The following TSPAN18 variants were observed in gnomAD, a reference collection of about 807,000 sequenced individuals.
The protein encoded by TSPAN18 is tetraspanin 18, also known as tetraspanin-18.
TSPAN18 carries 14 observed loss-of-function variants against 27.3 expected under a neutral mutation model. The ratio of observed to expected loss-of-function variants is 0.51; its 90% CI spans 0.34 to 0.80. The LOEUF is 0.80. Among genes scored for constraint, TSPAN18 ranks in the 30% least tolerant of loss-of-function variants. The probability of loss-of-function intolerance (pLI) is 0.01; values close to 1 mark genes in which losing one functional copy is unlikely to be tolerated. For missense variants in TSPAN18, 268 were observed against 323.9 expected, an observed-to-expected ratio of 0.83 and a Z score of 1.32; for synonymous variants, 143 against 136.5, an observed-to-expected ratio of 1.05 and a Z score of -0.33.
chr11:44,922,614 C>T (rs72901388), intron 8 of TSPAN18, among the ~76,000 whole-genome samples: 13,458 of 152,126 alleles, frequency 0.088, 796 homozygotes, highest in Middle Eastern at 0.15. Context: ...ATACTGGTGC[C>T]AGTGAGAAAG....
chr11:44,909,846 G>A lies in TSPAN18; in HGVS notation c.205G>A (p.Gly69Ser), dbSNP rs144761619. Residue 69 changes from glycine to serine, a missense_variant, in exon 5 of 10, where the codon GGC becomes AGC. Transcript: ENST00000520358. ...CATGGGGGGCCTGCTCTTTCTGCTC[G>A]GCTTCCTGGGCTGCTGCGGGGCCGT... ...LAMGGLLFLL[G>S]FLGCCGAVRE... The A allele has an allele frequency of 1.9e-4, 309 of 1,613,860 alleles. No individual in the cohort carries two copies. The highest frequency in any genetic ancestry group is 2.4e-4 in the Non-Finnish European group (282 of 1,179,998).
At chr11:44,902,588 G>A (rs1488943082) in intron 3 of TSPAN18, among the ~76,000 whole-genome samples, 2 of 152,202 alleles carry the variant, frequency 1.3e-5, no homozygotes, top group Admixed American at 1.3e-4. Flanking sequence ...AGAGATGCTG[G>A]CCAGACAGCA....
intron 2 of TSPAN18, among the ~76,000 whole-genome samples, chr11:44,778,328 A>T (rs755694603): frequency 6.6e-6 from 1 of 151,960 alleles, no homozygotes; most frequent in Non-Finnish European, 1.5e-5. Flanking sequence ...CCTTGGGGCC[A>T]AGAGGTGTAA....
chr11:44,757,737 TATTTTC>T (rs1269211617), intron 1 of TSPAN18, among the ~76,000 whole-genome samples: 1 of 152,254 alleles, frequency 6.6e-6, no homozygotes, highest in Non-Finnish European at 1.5e-5. Context: ...ATGTTGAGCA[TATTTTC>T]ATATATTTAT....
intron 2 of TSPAN18, among the ~76,000 whole-genome samples, chr11:44,781,159 C>A (rs999756166): frequency 6.6e-6 from 1 of 152,136 alleles, no homozygotes; most frequent in East Asian, 1.9e-4. Flanking sequence ...GCCAGTCTCT[C>A]CCCATGTGTA....
rs755992011 is a variant in TSPAN18 at position 44,909,758 on chromosome 11, C to T, written c.117C>T (p.Thr39=). ...AIGIWVMVDP[T]GFREIVAANP... ...GCATCTGGGTCATGGTGGACCCCAC[C>T]GGCTTCCGGGAGATCGTGGCTGCCA... The change falls in exon 5 of 10, where the codon ACC becomes ACT. Residue 39 remains threonine (T), a synonymous_variant. Coordinates refer to ENST00000520358, the MANE Select transcript of TSPAN18 (RefSeq NM_130783.5). The T allele has an allele frequency of 2.3e-5, 37 of 1,613,468 alleles. No individual in the cohort carries two copies. Among genetic ancestry groups the T allele is most frequent in the Admixed American group, 2.0e-4 (12 of 60,006 alleles).
intron 3 of TSPAN18, among the ~76,000 whole-genome samples, chr11:44,871,395 T>G (rs1590609976): frequency 6.6e-6 from 1 of 152,276 alleles, no homozygotes; most frequent in East Asian, 1.9e-4. Flanking sequence ...CCTCATGACC[T>G]AATTACCTCA....
At chr11:44,802,609 GCACACACACACA>G in intron 2 of TSPAN18, among the ~76,000 whole-genome samples, 1 of 142,704 alleles carries the variant, frequency 7.0e-6, no homozygotes, top group Non-Finnish European at 1.5e-5. Flanking sequence ...GGGAAGCACT[GCACACACACACA>G]CACACACACA....
chr11:44,809,363 A>G (rs1856666925), intron 2 of TSPAN18, among the ~76,000 whole-genome samples: 1 of 151,838 alleles, frequency 6.6e-6, no homozygotes, highest in Non-Finnish European at 1.5e-5. Context: ...CATCCCCAGG[A>G]CCCGGCATGG....
intron 9 of TSPAN18, among the ~76,000 whole-genome samples, chr11:44,927,219 C>T (rs865951006): frequency 3.9e-5 from 6 of 152,204 alleles, no homozygotes; most frequent in Non-Finnish European, 7.3e-5. Flanking sequence ...TCTGAGGGCC[C>T]CAGAGTCCCC....
At chr11:44,753,812 T>A (rs1855268106) in intron 1 of TSPAN18, among the ~76,000 whole-genome samples, 1 of 152,162 alleles carries the variant, frequency 6.6e-6, no homozygotes. Flanking sequence ...CTGGAGTATT[T>A]GAGTCAAAGC....
chr11:44,739,092 T>C (rs1232433920), intron 1 of TSPAN18, among the ~76,000 whole-genome samples: 3 of 152,164 alleles, frequency 2.0e-5, no homozygotes, highest in South Asian at 2.1e-4. Flanking sequence ...TGGTGACTTC[T>C]CTCCTGGCCC....
rs1364389573 is a variant in TSPAN18 at position 44,742,328 on chromosome 11, T to TCTTCCTTCCTCTCCTCCCTCCCTC, written c.-240+15051_-240+15052insCTCCTCCCTCCCTCCTTCCTTCCT. Among the ~76,000 whole-genome samples the TCTTCCTTCCTCTCCTCCCTCCCTC allele has an allele frequency of 2.1e-4, 29 of 137,032 alleles. No individual in the cohort carries two copies. In the East Asian group the frequency reaches 5.4e-3, roughly 25 times the overall value. The allele number at this position is 137,032 out of a possible 152,430, so 89.9% of individuals were successfully genotyped here. ...CCCTCCCTTTTTTCCTTTCTTCCTT[T>TCTTCCTTCCTCTCCTCCCTCCCTC]CTTCCTTCCTTTCCTCCCTCCCTCC... is the stretch of plus-strand genomic sequence containing the variant. On this transcript the variant is annotated intron_variant, in intron 1 of 9. Coordinates refer to ENST00000520358, the MANE Select transcript of TSPAN18 (RefSeq NM_130783.5).
intron 3 of TSPAN18, among the ~76,000 whole-genome samples, chr11:44,862,076 G>A (rs947825485): frequency 6.6e-6 from 1 of 151,834 alleles, no homozygotes; most frequent in African/African-American, 2.4e-5. Flanking sequence ...GGTTTTTTGC[G>A]CTAAATGGGC....
rs558236701 is a variant in TSPAN18 at position 44,919,939 on chromosome 11, C to T, written c.555C>T (p.Asp185=). The T allele has an allele frequency of 4.3e-5, 70 of 1,614,186 alleles. No homozygotes were observed. The Middle Eastern group carries it at 8.3e-4, about 19-fold the overall frequency. The part of the protein sequence containing the change: ...ACCRREPQSR[D]GVLLSREECL... ...GCCGGAGGGAACCCCAAAGTCGGGA[C>T]GGGGTCCTGCTGAGCCGGGAGGAGT... The change falls in exon 8 of 10, where the codon GAC becomes GAT. Residue 185 remains aspartate, a synonymous_variant. Coordinates refer to ENST00000520358, the MANE Select transcript of TSPAN18 (RefSeq NM_130783.5).
chr11:44,836,660 A>G (rs1023554027), intron 2 of TSPAN18, among the ~76,000 whole-genome samples: 2 of 152,220 alleles, frequency 1.3e-5, no homozygotes, highest in African/African-American at 4.8e-5. Flanking sequence ...AGAGAAGTCA[A>G]TGTCTGGCTT....
intron 3 of TSPAN18, among the ~76,000 whole-genome samples, chr11:44,873,971 G>T (rs1858262322): frequency 6.6e-6 from 1 of 152,218 alleles, no homozygotes. Context: ...CTCCAGGCCA[G>T]CTGGGTGGCT....
chr11:44,800,326 G>A (rs1265567679), intron 2 of TSPAN18, among the ~76,000 whole-genome samples: 1 of 152,190 alleles, frequency 6.6e-6, no homozygotes. Context: ...AGAAGTGAAA[G>A]GTATTGCCAG....
Position 44,913,674 on chromosome 11 carries a change from A to G in TSPAN18, c.258+3775A>G, listed in dbSNP as rs12576463. Among the ~76,000 whole-genome samples, 399 of 152,392 alleles carry G rather than the reference A, an allele frequency of 2.6e-3. 21 individuals are homozygous for G. The East Asian group carries it at 0.063, about 24-fold the overall frequency. On this transcript the variant is annotated intron_variant, in intron 5 of 9. Transcript: ENST00000520358. Reference sequence around the variant, plus strand: ...TTAGAAATGGGAACTGTGAGCAGACATTGCCTATAAGCAGATGGGTTAGAA... The same window carrying G: ...TTAGAAATGGGAACTGTGAGCAGACGTTGCCTATAAGCAGATGGGTTAGAA...
Sources: allele counts gnomAD v4.1 joint callset (sites outside exome capture counted in the v4.1 genomes callset), GRCh38; gene constraint gnomAD v4.1.1; transcripts MANE v1.5; gene names NCBI Gene and HGNC (gene_info 2026-07-23, HGNC 2026-07-21).